FAM83G: variants seen among roughly 807,000 people sequenced by gnomAD.
FAM83G encodes the protein scaffolding CK1 anchoring protein G, also known as protein FAM83G.
In FAM83G, 38 loss-of-function variants were observed where a neutral mutation model predicts 61.5. The ratio of observed to expected loss-of-function variants is 0.62; its 90% confidence interval spans 0.48 to 0.81. The LOEUF (loss-of-function observed/expected upper bound fraction) is 0.81. Among genes scored for constraint, FAM83G ranks in the 30% least tolerant of loss-of-function variants. The pLI is 0.00. For missense variants in FAM83G, 989 were observed against 1,133.6 expected (o/e 0.87, Z 1.83); for synonymous variants, 470 against 476.1 (o/e 0.99, Z 0.17).
At chr17:18,989,332 G>A (rs991871207) in intron 2 of FAM83G, among the ~76,000 whole-genome samples, 9 of 152,182 alleles carry the variant, frequency 5.9e-5, no homozygotes, top group East Asian at 1.9e-4. Flanking sequence ...GCTGGGATGC[G>A]GAGATTCAGG....
At chr17:18,991,854 G>A (rs973471648) in intron 2 of FAM83G, among the ~76,000 whole-genome samples, 18 of 152,206 alleles carry the variant, frequency 1.2e-4, no homozygotes, top group Admixed American at 4.6e-4. Context: ...TTGAGGCCTC[G>A]AAGATGCAGC....
chr17:18,980,059 C>T (rs553185713), intron 3 of FAM83G, among the ~76,000 whole-genome samples: 152 of 152,190 alleles, frequency 1.0e-3, no homozygotes, highest in African/African-American at 3.4e-3. Flanking sequence ...GATGTGCACA[C>T]GTTTTAGAAG....
intron 3 of FAM83G, among the ~76,000 whole-genome samples, chr17:18,983,965 G>A (rs958024570): frequency 2.6e-5 from 4 of 152,168 alleles, no homozygotes; most frequent in African/African-American, 9.7e-5. Flanking sequence ...AACATCCTTG[G>A]CCACTCAATG....
At chr17:18,973,078 C>T (rs1272209562) in intron 5 of FAM83G, among the ~76,000 whole-genome samples, 3 of 152,216 alleles carry the variant, frequency 2.0e-5, no homozygotes, top group Admixed American at 1.3e-4. Flanking sequence ...CTGCCCAGTT[C>T]TCCTGGGAGG....
chr17:18,992,752 G>A (rs927604647), intron 2 of FAM83G, among the ~76,000 whole-genome samples: 10 of 152,316 alleles, frequency 6.6e-5, no homozygotes, highest in African/African-American at 1.9e-4. Flanking sequence ...AAGGCCCTTC[G>A]TCTCTGATGT....
chr17:18,988,454 C>A lies in FAM83G; in HGVS notation c.523-40G>T, dbSNP rs756664441. On this transcript the variant is annotated intron_variant, in intron 2 of 5. Coordinates refer to ENST00000388995, the MANE Select transcript of FAM83G (RefSeq NM_001039999.3). ...AGAGACTAGGGCCTGTCAGACAGTG[C>A]AGCAGTGGGGACAGGGTGCCCTGGC... is the stretch of plus-strand genomic sequence containing the variant. 4 of 1,603,206 alleles carry A rather than the reference C, an allele frequency of 2.5e-6. No individual in the cohort carries two copies. The East Asian group carries it at 9.0e-5, about 36-fold the overall frequency.
At chr17:18,988,826 C>T (rs1007770891) in intron 2 of FAM83G, among the ~76,000 whole-genome samples, 7 of 152,232 alleles carry the variant, frequency 4.6e-5, no homozygotes, top group African/African-American at 1.7e-4. Context: ...AGATCTCTTC[C>T]TGTCAGCTGA....
Position 18,971,402 on chromosome 17 carries a change from G to C in FAM83G, c.2429C>G (p.Ser810Cys), listed in dbSNP as rs757798834. 3.1e-6 allele frequency: 5 copies of C among 1,613,704 alleles called. No individual in the cohort carries two copies. In the South Asian group the frequency reaches 3.3e-5, roughly 11 times the overall value. The change falls in exon 6 of 6, where the codon TCT becomes TGT. Residue 810 changes from serine to cysteine, a missense_variant. Physicochemically the swap from Ser to Cys is moderately radical, Grantham distance 112. This residue lies in a region of FAM83G where 574 missense variants were observed against 645.1 expected (regional missense o/e 0.89). Transcript: ENST00000388995. The surrounding 1 kb of genome is among the most constrained non-coding windows in gnomAD (Gnocchi z 5.5). The stretch of plus-strand genomic sequence containing the variant: ...CCGGGGGGCTTGAGCCCTCCGTTTA[G>C]AATCCGATGAGGCCCACTGGCTACC... ...TGGSQWASSDSKRRAQAPRDR... is the reference protein window; with the variant it reads ...TGGSQWASSDCKRRAQAPRDR...
At chr17:18,998,017 C>T (rs2043612043) in intron 2 of FAM83G, among the ~76,000 whole-genome samples, 1 of 152,250 alleles carries the variant, frequency 6.6e-6, no homozygotes, top group South Asian at 2.1e-4. Context: ...AAAGATAACA[C>T]CAGAGCTGGG....
At chr17:18,993,548 C>G (rs2043485478) in intron 2 of FAM83G, among the ~76,000 whole-genome samples, 1 of 152,212 alleles carries the variant, frequency 6.6e-6, no homozygotes, top group African/African-American at 2.4e-5. Flanking sequence ...CATATTCTCT[C>G]TCCTCACTAT....
At position 19,002,855 on chromosome 17, in the gene FAM83G, CT is replaced by C. The variant is rs577267485; in HGVS notation, c.522+664del. 4.8e-3 allele frequency among the ~76,000 whole-genome samples: 733 copies of C among 152,284 alleles called. 4 individuals are homozygous for C. The highest frequency in any genetic ancestry group is 0.01 in the Middle Eastern group (3 of 294). ...GAGGGCCAGAGAAGGCTTGAGGTCC[CT>C]TCCGGTGGCAAAATTCAGGTGGACA... is the stretch of plus-strand genomic sequence containing the variant. On this transcript the variant is annotated intron_variant, in intron 2 of 5. Transcript: ENST00000388995.
intron 5 of FAM83G, among the ~76,000 whole-genome samples, chr17:18,974,806 A>G (rs1301985850): frequency 6.6e-6 from 1 of 152,152 alleles, no homozygotes; most frequent in Non-Finnish European, 1.5e-5. Context: ...TGAAATGGCC[A>G]CTCAGGGAGT....
rs918272140 is a variant in FAM83G at position 19,003,278 on chromosome 17, G to T, written c.522+242C>A. 6.6e-6 allele frequency among the ~76,000 whole-genome samples: 1 copy of T among 151,480 alleles called. No individual in the cohort carries two copies. Among genetic ancestry groups the T allele is most frequent in the Admixed American group, 6.6e-5 (1 of 15,220 alleles). ...AGAAACACCCTCCAACAATAAAGAG[G>T]CCCTTTGAGACGGGGCAGCCCACTG... On this transcript the variant is annotated intron_variant, in intron 2 of 5. Transcript: ENST00000388995. The surrounding 1 kb of genome is among the most constrained non-coding windows in gnomAD (Gnocchi z 4.5).
intron 3 of FAM83G, 67 bp from the exon 4 acceptor site, chr17:18,979,740 C>T (rs889778761): frequency 2.5e-5 from 39 of 1,583,498 alleles, no homozygotes; most frequent in Non-Finnish European, 3.1e-5. Context: ...GAGGGGAGGA[C>T]GGCAGCTGCC....
At chr17:18,999,627 G>C (rs2152139982) in intron 2 of FAM83G, among the ~76,000 whole-genome samples, 1 of 152,350 alleles carries the variant, frequency 6.6e-6, no homozygotes, top group Non-Finnish European at 1.5e-5. Flanking sequence ...CATTTAGTAA[G>C]CACCTCATTA....
At chr17:18,972,383 T>C (rs1219038562) in intron 5 of FAM83G, among the ~76,000 whole-genome samples, 1 of 152,216 alleles carries the variant, frequency 6.6e-6, no homozygotes, top group East Asian at 1.9e-4. Context: ...CTTTCCCACG[T>C]GGCCTACCCT....
At chr17:18,992,763 CCCTGCCGAGGGA>C (rs1452671785) in intron 2 of FAM83G, among the ~76,000 whole-genome samples, 1 of 152,214 alleles carries the variant, frequency 6.6e-6, no homozygotes, top group Non-Finnish European at 1.5e-5. Context: ...TCTCTGATGT[CCCTGCCGAGGGA>C]CCCCAACTCC....
At chr17:18,998,771 G>A (rs2043637669) in intron 2 of FAM83G, among the ~76,000 whole-genome samples, 1 of 152,236 alleles carries the variant, frequency 6.6e-6, no homozygotes, top group Non-Finnish European at 1.5e-5. Context: ...ACCTGTGGTG[G>A]GAGCCTGGGC....
chr17:18,974,719 G>A (rs985782449), intron 5 of FAM83G, among the ~76,000 whole-genome samples: 1 of 152,238 alleles, frequency 6.6e-6, no homozygotes, highest in Non-Finnish European at 1.5e-5. Context: ...CCAGGGACAG[G>A]CTTGGCCGGC....
Sources: allele counts gnomAD v4.1 joint callset (sites outside exome capture counted in the v4.1 genomes callset), GRCh38; gene constraint gnomAD v4.1.1; regional missense constraint gnomAD v4.1.1; non-coding constraint Gnocchi (gnomAD v3.1); transcripts MANE v1.5; gene names NCBI Gene and HGNC (gene_info 2026-07-23, HGNC 2026-07-21).